The following NKAIN3 variants were observed in gnomAD, a reference collection of about 807,000 sequenced individuals.
NKAIN3 encodes the protein sodium/potassium transporting ATPase interacting 3.
In NKAIN3, 25 loss-of-function variants were observed where a neutral mutation model predicts 30.2. The ratio of observed to expected loss-of-function variants is 0.83; its 90% CI spans 0.60 to 1.16. The LOEUF is 1.16. Ranked by LOEUF, NKAIN3 falls within the 50% of genes most tolerant of loss-of-function variation. The probability of loss-of-function intolerance (pLI) is 0.00; values close to 1 mark genes in which losing one functional copy is unlikely to be tolerated. For synonymous variants in NKAIN3, 91 were observed against 89.6 expected (o/e 1.02, Z -0.09); for missense variants, 225 against 254.1 (o/e 0.89, Z 0.78).
At chr8:62,763,078 G>A (rs920994132) in intron 4 of NKAIN3, among the ~76,000 whole-genome samples, 11 of 151,408 alleles carry the variant, frequency 7.3e-5, no homozygotes, top group South Asian at 2.1e-4. Context: ...AAAACTAGCC[G>A]GGCATGGTGG....
intron 1 of NKAIN3, among the ~76,000 whole-genome samples, chr8:62,429,384 A>T (rs1282614582): frequency 1.3e-5 from 2 of 151,828 alleles, no homozygotes; most frequent in Non-Finnish European, 2.9e-5. Context: ...TTTGTACTTG[A>T]TTCTATTAAT....
At chr8:62,583,034 C>T (rs2882923) in intron 2 of NKAIN3, among the ~76,000 whole-genome samples, 22,495 of 152,142 alleles carry the variant, frequency 0.15, 2,199 homozygotes, top group African/African-American at 0.27. Flanking sequence ...CTTCCATACA[C>T]GTTAATGGTG....
At chr8:62,714,602 A>T (rs11775947) in intron 3 of NKAIN3, among the ~76,000 whole-genome samples, 89,237 of 152,068 alleles carry the variant, frequency 0.59, 28,307 homozygotes, top group Non-Finnish European at 0.73. Flanking sequence ...TAAAAAATAA[A>T]AGAATAAGAT....
rs987962501 is a variant in NKAIN3 at position 62,736,747 on chromosome 8, T to C, written c.274-10185T>C. On this transcript the variant is annotated intron_variant, in intron 3 of 6. Coordinates refer to ENST00000623646, the MANE Select transcript of NKAIN3 (RefSeq NM_001304533.3). ...AGGAAAACTTCGCATTCAGTCAAAA[T>C]TGTTACAAAGTTCAGCTGGAAGTTT... Among the ~76,000 whole-genome samples the C allele has an allele frequency of 3.9e-5, 6 of 152,300 alleles. No homozygotes were observed. In the East Asian group the frequency reaches 1.2e-3, roughly 29 times the overall value.
At chr8:62,561,753 C>T (rs1476110560) in intron 1 of NKAIN3, among the ~76,000 whole-genome samples, 1 of 152,142 alleles carries the variant, frequency 6.6e-6, no homozygotes, top group East Asian at 1.9e-4. Context: ...CAAATACTAA[C>T]ACTTCCCCTA....
chr8:62,985,629 A>G (rs1451342960), downstream of NKAIN3, among the ~76,000 whole-genome samples: 1 of 152,216 alleles, frequency 6.6e-6, no homozygotes, highest in Non-Finnish European at 1.5e-5. Context: ...TATTTGACAG[A>G]ACATTTAACA....
chr8:62,491,252 T>C (rs1243008826), intron 1 of NKAIN3, among the ~76,000 whole-genome samples: 1 of 152,038 alleles, frequency 6.6e-6, no homozygotes, highest in Non-Finnish European at 1.5e-5. Context: ...TGTGGTTTTC[T>C]CTACATCATT....
At chr8:62,397,403 G>A (rs1031004207) in intron 1 of NKAIN3, among the ~76,000 whole-genome samples, 1 of 151,740 alleles carries the variant, frequency 6.6e-6, no homozygotes, top group Non-Finnish European at 1.5e-5. Flanking sequence ...TTTTCCTCAG[G>A]AGCACAAACC....
rs1179300876 is a variant in NKAIN3 at position 62,248,931 on chromosome 8, CCGAGCCCTGGAGCCG to C, written c.-137_-123del. 2 of 689,654 alleles carry C rather than the reference CCGAGCCCTGGAGCCG, an allele frequency of 2.9e-6. No individual in the cohort carries two copies. Among genetic ancestry groups the C allele is most frequent in the East Asian group, 6.5e-5 (2 of 30,654 alleles). 42.7% of individuals were successfully genotyped at this position (689,654 alleles called of 1,614,324 possible). A position where few individuals can be genotyped will look rare whatever the true frequency, so the allele number is the denominator to read the frequency against. On this transcript the variant is annotated 5_prime_UTR_variant, in exon 1 of 7. Transcript: ENST00000623646. The stretch of plus-strand genomic sequence containing the variant: ...AAACTAACAAAGGCGGGCGCGAGCC[CCGAGCCCTGGAGCCG>C]CGAGCGGCGGCCGCGGGGCCGAGGA...
chr8:62,297,771 C>T (rs1385772926), intron 1 of NKAIN3, among the ~76,000 whole-genome samples: 2 of 152,146 alleles, frequency 1.3e-5, no homozygotes, highest in Non-Finnish European at 2.9e-5. Flanking sequence ...GTGGCGATTC[C>T]TCAGGGATCT....
At position 62,971,193 on chromosome 8, in the gene NKAIN3, A is replaced by G. The variant is rs2353364; in HGVS notation, c.*5786A>G. ...TGGAGGTGGAGAAGGAACAAAAGGA[A>G]TGTTTCTTTCCTTTAAGGATATGCC... On this transcript the variant is annotated 3_prime_UTR_variant, in exon 7 of 7. Coordinates refer to ENST00000623646, the MANE Select transcript of NKAIN3 (RefSeq NM_001304533.3). 0.099 allele frequency among the ~76,000 whole-genome samples: 15,003 copies of G among 152,158 alleles called. 800 individuals carry two copies. Among genetic ancestry groups the G allele is most frequent in the African/African-American group, 0.15 (6,243 of 41,498 alleles).
chr8:62,335,795 T>A (rs762154903), intron 1 of NKAIN3, among the ~76,000 whole-genome samples: 1 of 152,050 alleles, frequency 6.6e-6, no homozygotes, highest in Non-Finnish European at 1.5e-5. Context: ...CCATCCTCCT[T>A]TTCCATAAAA....
At chr8:62,688,735 CAGACAG>C (rs1452396976) in intron 3 of NKAIN3, among the ~76,000 whole-genome samples, 2 of 140,326 alleles carry the variant, frequency 1.4e-5, no homozygotes, top group South Asian at 2.3e-4. Context: ...GACAGACAGA[CAGACAG>C]ACACACACAC....
At chr8:62,991,989 G>A (rs144884652) in intron 5 of NKAIN3, among the ~76,000 whole-genome samples, 15 of 149,988 alleles carry the variant, frequency 1.0e-4, no homozygotes, top group African/African-American at 1.8e-4. Flanking sequence ...TGCTCCCCTC[G>A]CCACCCCACT....
chr8:62,475,716 G>T (rs944322666), intron 1 of NKAIN3, among the ~76,000 whole-genome samples: 2 of 152,160 alleles, frequency 1.3e-5, no homozygotes, highest in Non-Finnish European at 2.9e-5. Flanking sequence ...AAGTTTAATA[G>T]CTCCAAAGGC....
At chr8:62,786,069 C>G (rs1026330793) in intron 4 of NKAIN3, among the ~76,000 whole-genome samples, 9 of 151,954 alleles carry the variant, frequency 5.9e-5, no homozygotes, top group Admixed American at 5.9e-4. Context: ...CACCACCACA[C>G]CCCCCTCCCT....
intron 1 of NKAIN3, among the ~76,000 whole-genome samples, chr8:62,292,640 T>C (rs772881256): frequency 3.9e-5 from 6 of 152,154 alleles, no homozygotes; most frequent in Non-Finnish European, 5.9e-5. Context: ...TGTGGGTAAC[T>C]CAACCTTTCT....
intron 4 of NKAIN3, among the ~76,000 whole-genome samples, chr8:62,897,409 G>A (rs959307866): frequency 6.6e-6 from 1 of 151,612 alleles, no homozygotes; most frequent in Non-Finnish European, 1.5e-5. Flanking sequence ...AACCATGAAT[G>A]AAAAAAATAA....
chr8:62,713,734 T>C (rs751930582), intron 3 of NKAIN3, among the ~76,000 whole-genome samples: 10 of 152,178 alleles, frequency 6.6e-5, no homozygotes, highest in Non-Finnish European at 1.3e-4. Context: ...GGTTTATGTG[T>C]CACTAAATAG....
Sources: gnomAD v4.1 joint callset for allele counts (sites outside exome capture counted in the v4.1 genomes callset) on GRCh38, gnomAD v4.1.1 for gene constraint, MANE v1.5 for transcripts, NCBI Gene and HGNC (gene_info 2026-07-23, HGNC 2026-07-21) for gene names.